Variants in SUSD3 observed in about 807,000 individuals in gnomAD.
SUSD3 encodes the protein sushi domain containing 3, also known as sushi domain-containing protein 3.
In SUSD3, 18 loss-of-function variants were observed where a neutral mutation model predicts 20.6. That is an observed-to-expected ratio of 0.87 (90% confidence interval 0.60 to 1.30). The LOEUF (loss-of-function observed/expected upper bound fraction) is 1.30, where lower values mean the gene tolerates loss of function less well. Ranked by LOEUF, SUSD3 falls within the 50% of genes most tolerant of loss-of-function variation. The pLI is 0.00. For synonymous variants in SUSD3, 137 were observed against 141.5 expected (o/e 0.97, Z 0.23); for missense variants, 306 against 346.9 (o/e 0.88, Z 0.94).
At chr9:93,073,070 C>A (rs1825973772) in intron 1 of SUSD3, among the ~76,000 whole-genome samples, 1 of 152,042 alleles carries the variant, frequency 6.6e-6, no homozygotes, top group Non-Finnish European at 1.5e-5. Flanking sequence ...GTCCCTCAGA[C>A]TCTGCATGCC....
At chr9:93,070,923 C>G (rs1408518999) in intron 1 of SUSD3, among the ~76,000 whole-genome samples, 1 of 152,174 alleles carries the variant, frequency 6.6e-6, no homozygotes, top group Non-Finnish European at 1.5e-5. Context: ...GTTATTGTCA[C>G]CTTGGGGCCC....
At chr9:93,058,877 T>C in intron 1 of SUSD3, 47 bp downstream of exon 1, 1 of 1,157,718 alleles carries the variant, frequency 8.6e-7, no homozygotes, top group Non-Finnish European at 1.1e-6. Flanking sequence ...TGCGCCCATT[T>C]CACAGACGGG....
At chr9:93,078,888 C>A (rs550724810) in intron 3 of SUSD3, among the ~76,000 whole-genome samples, 2 of 152,244 alleles carry the variant, frequency 1.3e-5, no homozygotes, top group Admixed American at 6.5e-5. Context: ...CAAGCTCCAC[C>A]TCCTGGGATC....
chr9:93,080,638 T>A (rs1826376989), intron 4 of SUSD3, among the ~76,000 whole-genome samples: 1 of 151,918 alleles, frequency 6.6e-6, no homozygotes, highest in Admixed American at 6.6e-5. Context: ...TGGAATGGGG[T>A]CTCTTGGCTG....
intron 3 of SUSD3, among the ~76,000 whole-genome samples, chr9:93,078,594 T>A (rs997233111): frequency 6.6e-6 from 1 of 151,948 alleles, no homozygotes; most frequent in African/African-American, 2.4e-5. Flanking sequence ...ACATATGCAG[T>A]ATGTACTCTG....
chr9:93,069,046 C>A, intron 1 of SUSD3: 1 of 697,824 alleles, frequency 1.4e-6, no homozygotes, highest in Non-Finnish European at 2.6e-6. Context: ...CGGTACTCAC[C>A]CTTCTTGCGA....
At position 93,084,847 on chromosome 9, in the gene SUSD3, C is replaced by A; in HGVS notation, c.*100C>A. 9.0e-7 allele frequency: 1 copy of A among 1,114,764 alleles called. No homozygotes were observed. Among genetic ancestry groups the A allele is most frequent in the Non-Finnish European group, 1.2e-6 (1 of 818,978 alleles). The allele number at this position is 1,114,764 out of a possible 1,614,324, so 69.1% of individuals were successfully genotyped here. On this transcript the variant is annotated 3_prime_UTR_variant, in exon 5 of 5. Transcript: ENST00000375472. ...CCACATCAACTCCACATGCGCCCAGCTCGAGACTGATGAGTGGAATCAGCT... is the reference window on the plus strand; with the variant it reads ...CCACATCAACTCCACATGCGCCCAGATCGAGACTGATGAGTGGAATCAGCT...
At chr9:93,069,161 C>T in intron 1 of SUSD3, 1 of 702,688 alleles carries the variant, frequency 1.4e-6, no homozygotes, top group East Asian at 2.7e-5. Context: ...AAGTTTTACA[C>T]TGTGAGCCAC....
chr9:93,062,728 G>T (rs1266714246), intron 1 of SUSD3, among the ~76,000 whole-genome samples: 1 of 151,932 alleles, frequency 6.6e-6, no homozygotes, highest in Non-Finnish European at 1.5e-5. Flanking sequence ...GGTCCCCTGG[G>T]AGTCCGGGAG....
At chr9:93,062,271 C>A (rs761919210) in intron 1 of SUSD3, among the ~76,000 whole-genome samples, 13 of 152,334 alleles carry the variant, frequency 8.5e-5, no homozygotes, top group Non-Finnish European at 8.8e-5. Context: ...GCCCCTGAGC[C>A]GTGGGAGGGC....
intron 4 of SUSD3, among the ~76,000 whole-genome samples, chr9:93,081,948 C>T (rs1261315165): frequency 1.3e-5 from 2 of 152,158 alleles, no homozygotes; most frequent in Non-Finnish European, 2.9e-5. Context: ...TGGGGCTGAT[C>T]CTAGGAATCG....
intron 1 of SUSD3, among the ~76,000 whole-genome samples, chr9:93,074,406 TG>T (rs1826037540): frequency 8.3e-6 from 1 of 120,756 alleles, no homozygotes; most frequent in East Asian, 2.6e-4. Context: ...CACTCCAGCC[TG>T]GGCGACAGGG....
chr9:93,070,992 T>G (rs1392364149), intron 1 of SUSD3, among the ~76,000 whole-genome samples: 1 of 152,220 alleles, frequency 6.6e-6, no homozygotes, highest in African/African-American at 2.4e-5. Flanking sequence ...GACGTGTTGC[T>G]GAAGCTTTGT....
At chr9:93,078,084 C>T (rs949271149) in intron 3 of SUSD3, 91 bp downstream of exon 3, 23 of 1,553,750 alleles carry the variant, frequency 1.5e-5, no homozygotes, top group East Asian at 9.0e-5. Flanking sequence ...AAGGGAACCC[C>T]GGCACTGCCC....
intron 1 of SUSD3, among the ~76,000 whole-genome samples, chr9:93,065,474 T>G (rs1009129981): frequency 6.6e-6 from 1 of 152,126 alleles, no homozygotes; most frequent in African/African-American, 2.4e-5. Flanking sequence ...CTCCCAAACC[T>G]CTGGCTGGTG....
chr9:93,074,431 CAAAAAAAAAAA>C (rs56872294), intron 1 of SUSD3, among the ~76,000 whole-genome samples: 35 of 38,858 alleles, frequency 9.0e-4, no homozygotes, highest in African/African-American at 2.0e-3. Flanking sequence ...GACTCTGACT[CAAAAAAAAAAA>C]AAAAAAAAAA....
chr9:93,084,643 C>A lies in SUSD3; in HGVS notation c.664C>A (p.Gln222Lys), dbSNP rs149456736. 5,812 of 1,609,392 alleles carry A rather than the reference C, an allele frequency of 3.6e-3. 15 individuals carry two copies. Among genetic ancestry groups the A allele is most frequent in the Non-Finnish European group, 4.4e-3 (5,187 of 1,177,842 alleles). Reference sequence around the variant, plus strand: ...CCTCAGTGGCTCCTCCAGCTCACCCCAAGCCCAGGTGATGGTGCACATGGC... The same window carrying A: ...CCTCAGTGGCTCCTCCAGCTCACCCAAAGCCCAGGTGATGGTGCACATGGC... ...LSLSGSSSSPQAQVMVHMANP... is the reference protein window; with the variant it reads ...LSLSGSSSSPKAQVMVHMANP... The change falls in exon 5 of 5, where the codon CAA (glutamine) becomes AAA (lysine). Residue 222 changes from glutamine to lysine, a missense_variant. Coordinates refer to ENST00000375472, the MANE Select transcript of SUSD3 (RefSeq NM_145006.4).
Position 93,077,835 on chromosome 9 carries a change from C to T in SUSD3, c.278-11C>T, listed in dbSNP as rs750469556. 1 of 1,614,108 alleles carries T rather than the reference C, an allele frequency of 6.2e-7. No homozygotes were observed. Among genetic ancestry groups the T allele is most frequent in the East Asian group, 2.2e-5 (1 of 44,884 alleles). On this transcript the variant is annotated splice_polypyrimidine_tract_variant and intron_variant, in intron 2 of 4. Transcript: ENST00000375472. ...ACCTCGCCCAGGAGCTGGTGGTTGT[C>T]TCCCACACAGTGGTGCCACCACACG...
intron 1 of SUSD3, chr9:93,068,957 A>C: frequency 1.8e-6 from 1 of 546,142 alleles, no homozygotes; most frequent in Middle Eastern, 4.7e-4. Context: ...AACCAGTAAT[A>C]AGTTATACCA....
Sources: gnomAD v4.1 joint callset for allele counts (sites outside exome capture counted in the v4.1 genomes callset) on GRCh38, gnomAD v4.1.1 for gene constraint, MANE v1.5 for transcripts, NCBI Gene and HGNC (gene_info 2026-07-23, HGNC 2026-07-21) for gene names.